ATP13A3: variants seen among roughly 807,000 people sequenced by gnomAD.
ATP13A3 encodes ATPase 13A3, also known as polyamine-transporting ATPase 13A3.
In ATP13A3, 59 loss-of-function variants were observed where a neutral mutation model predicts 158.1. The observed-to-expected ratio is 0.37, with a 90% CI of 0.30 to 0.46. ATP13A3 has a LOEUF of 0.46. ATP13A3 is among the 20% of genes least tolerant of loss of function. The probability of loss-of-function intolerance (pLI) is 1.00; values close to 1 mark genes in which losing one functional copy is unlikely to be tolerated. For synonymous variants in ATP13A3, 491 were observed against 504.3 expected (o/e 0.97, Z 0.35); for missense variants, 1,166 against 1,525.2 (o/e 0.76, Z 3.92).
At position 194,433,686 on chromosome 3, in the gene ATP13A3, A is replaced by T. The variant is rs529036836; in HGVS notation, c.2245+86T>A. 33 of 1,523,910 alleles carry T rather than the reference A, an allele frequency of 2.2e-5. No individual in the cohort carries two copies. The South Asian group carries it at 3.8e-4, about 18-fold the overall frequency. 94.4% of individuals were successfully genotyped at this position (1,523,910 alleles called of 1,614,324 possible). On this transcript the variant is annotated intron_variant, in intron 21 of 33. Coordinates refer to ENST00000645319, the MANE Select transcript of ATP13A3 (RefSeq NM_001367549.1). ...AAACCACTATAGACTATATAATATGATTTTATAACTGATTATCCCTCAATA... is the reference window on the plus strand; with the variant it reads ...AAACCACTATAGACTATATAATATGTTTTTATAACTGATTATCCCTCAATA...
chr3:194,444,029 C>T (rs1272218489), intron 15 of ATP13A3, among the ~76,000 whole-genome samples: 1 of 152,132 alleles, frequency 6.6e-6, no homozygotes, highest in African/African-American at 2.4e-5. Context: ...ATACTCATAT[C>T]CATCCATCTG....
chr3:194,429,693 A>C lies in ATP13A3; in HGVS notation c.2859T>G (p.Val953=). Residue 953 remains valine, a synonymous_variant, in exon 27 of 34, where the codon GTT becomes GTG. Transcript: ENST00000645319. Reference sequence around the variant, plus strand: ...TAATACTCACAGAATACAGCAGAGTAACACTGAAGTACTGGATAATGCTGT... The same window carrying C: ...TAATACTCACAGAATACAGCAGAGTCACACTGAAGTACTGGATAATGCTGT... ...ALYSIIQYFS[V]TLLYSILSNL... is the part of the protein sequence containing the mutation. The C allele has an allele frequency of 6.2e-7, 1 of 1,610,466 alleles. No individual in the cohort carries two copies. The highest frequency in any genetic ancestry group is 8.5e-7 in the Non-Finnish European group (1 of 1,176,864).
At chr3:194,435,856 G>A (rs1256180433) in intron 20 of ATP13A3, among the ~76,000 whole-genome samples, 1 of 152,106 alleles carries the variant, frequency 6.6e-6, no homozygotes, top group Non-Finnish European at 1.5e-5. Flanking sequence ...ATGGTGAACT[G>A]ACATCGTGCC....
chr3:194,429,633 C>T lies in ATP13A3; in HGVS notation c.2874+45G>A, dbSNP rs141522272. 369 of 1,406,286 alleles carry T rather than the reference C, an allele frequency of 2.6e-4. 2 individuals carry two copies. Among genetic ancestry groups the T allele is most frequent in the African/African-American group, 9.2e-4 (64 of 69,514 alleles). 87.1% of individuals were successfully genotyped at this position (1,406,286 alleles called of 1,614,324 possible). ...CACATACGCTCAACATCTTAATTTA[C>T]GGTGCACATTAAGTGTTATCTCTGC... On this transcript the variant is annotated intron_variant, in intron 27 of 33. Coordinates refer to ENST00000645319, the MANE Select transcript of ATP13A3 (RefSeq NM_001367549.1).
Position 194,437,411 on chromosome 3 carries a change from T to C in ATP13A3, c.1899A>G (p.Gln633=). 1 of 1,614,192 alleles carries C rather than the reference T, an allele frequency of 6.2e-7. No homozygotes were observed. Among genetic ancestry groups the C allele is most frequent in the Non-Finnish European group, 8.5e-7 (1 of 1,180,042 alleles). Residue 633 remains glutamine (Q), a synonymous_variant, in exon 19 of 34, where the codon CAA becomes CAG. Coordinates refer to ENST00000645319, the MANE Select transcript of ATP13A3 (RefSeq NM_001367549.1). The part of the protein sequence containing the change: ...VRQFPFSSAL[Q]RMSVVARVLG... The stretch of plus-strand genomic sequence containing the variant: ...GCACCCTGGCAACCACACTCATACG[T>C]TGCAAAGCAGAAGAAAATGGGAACT...
At chr3:194,467,250 AAGG>A (rs1237083464) in intron 2 of ATP13A3, among the ~76,000 whole-genome samples, 25 of 152,220 alleles carry the variant, frequency 1.6e-4, no homozygotes, top group African/African-American at 5.5e-4. Flanking sequence ...CCATCTATAG[AAGG>A]AGTTCATTCA....
At position 194,405,696 on chromosome 3, in the gene ATP13A3, T is replaced by C. The variant is rs1023899503; in HGVS notation, c.*223A>G. 2.1e-6 allele frequency: 1 copy of C among 479,756 alleles called. No individual in the cohort carries two copies. Among genetic ancestry groups the C allele is most frequent in the Non-Finnish European group, 3.7e-6 (1 of 271,850 alleles). The allele number at this position is 479,756 out of a possible 1,614,324, so 29.7% of individuals were successfully genotyped here. A position where few individuals can be genotyped will look rare whatever the true frequency, so the allele number is the denominator to read the frequency against. On this transcript the variant is annotated 3_prime_UTR_variant, in exon 34 of 34. Coordinates refer to ENST00000645319, the MANE Select transcript of ATP13A3 (RefSeq NM_001367549.1). ...GAAATGTATGTAATATTTGGGTTGC[T>C]GAATGAAGATATAGGACTTTATGGA...
At position 194,447,086 on chromosome 3, in the gene ATP13A3, A is replaced by G; in HGVS notation, c.1338T>C (p.Ser446=). Residue 446 remains serine (S), a synonymous_variant, in exon 14 of 34, where the codon TCT becomes TCC. Transcript: ENST00000645319. ...GCACAGTAATTGTGATAATATCAAGAGACTCGATAATTATGACCCCAACTT... is the reference window on the plus strand; with the variant it reads ...GCACAGTAATTGTGATAATATCAAGGGACTCGATAATTATGACCCCAACTT... The part of the protein sequence containing the change: ...EVQVGVIIIE[S]LDIITITVPP... 6.2e-7 allele frequency: 1 copy of G among 1,609,990 alleles called. No individual in the cohort carries two copies. Among genetic ancestry groups the G allele is most frequent in the South Asian group, 1.1e-5 (1 of 89,696 alleles).
intron 2 of ATP13A3, among the ~76,000 whole-genome samples, chr3:194,463,691 A>G (rs1719813849): frequency 6.6e-6 from 1 of 152,214 alleles, no homozygotes; most frequent in South Asian, 2.1e-4. Context: ...GCACTCAAAA[A>G]TGCTTACTGA....
At chr3:194,471,804 G>C (rs2109022665) in intron 2 of ATP13A3, 1 of 152,370 alleles carries the variant, frequency 6.6e-6, no homozygotes, top group South Asian at 2.1e-4. Flanking sequence ...TTTAGATTCA[G>C]TGGCTGGCTT....
chr3:194,427,534 C>T (rs1716876255), intron 28 of ATP13A3, among the ~76,000 whole-genome samples: 1 of 151,798 alleles, frequency 6.6e-6, no homozygotes, highest in Non-Finnish European at 1.5e-5. Flanking sequence ...CACGGTGGCT[C>T]ACACTTGGAA....
At chr3:194,450,431 AT>A in intron 10 of ATP13A3, 155 bp from the exon 11 acceptor site, 1 of 711,120 alleles carries the variant, frequency 1.4e-6, no homozygotes, top group Non-Finnish European at 2.3e-6. Flanking sequence ...AACAAATAAG[AT>A]TATTAGGCTA....
chr3:194,406,267 A>T, intron 33 of ATP13A3, 151 bp from the exon 34 acceptor site: 1 of 882,944 alleles, frequency 1.1e-6, no homozygotes, highest in Non-Finnish European at 1.7e-6. Flanking sequence ...AATCCATGTT[A>T]AAAAAAGGCA....
In ATP13A3 at chr3:194,433,908, G is replaced by T; in HGVS notation, c.2121-12C>A. The T allele has an allele frequency of 6.2e-7, 1 of 1,612,176 alleles. No individual in the cohort carries two copies. On this transcript the variant is annotated splice_polypyrimidine_tract_variant and intron_variant, in intron 20 of 33. Coordinates refer to ENST00000645319, the MANE Select transcript of ATP13A3 (RefSeq NM_001367549.1). ...TCTCAATTGCATCTCTGCAGAAAAAGAAGTTTTAACACATAATGGTTTAGT... is the reference window on the plus strand; with the variant it reads ...TCTCAATTGCATCTCTGCAGAAAAATAAGTTTTAACACATAATGGTTTAGT...
chr3:194,457,742 T>C (rs1719331747), intron 6 of ATP13A3, among the ~76,000 whole-genome samples: 1 of 151,986 alleles, frequency 6.6e-6, no homozygotes, highest in South Asian at 2.1e-4. Flanking sequence ...CTAAGTGGGC[T>C]TCAACTAACA....
rs1005882450 is a variant in ATP13A3 at position 194,436,737 on chromosome 3, A to G, written c.2120+358T>C. ...GCGGCACCCGCCTATAATCCCAGCT[A>G]CTTGGGAGGATGAGGCACAAGAATT... On this transcript the variant is annotated intron_variant, in intron 20 of 33. Transcript: ENST00000645319. Among the ~76,000 whole-genome samples, 7 of 152,236 alleles carry G rather than the reference A, an allele frequency of 4.6e-5. 1 individual carries two copies. Among genetic ancestry groups the G allele is most frequent in the Non-Finnish European group, 8.8e-5 (6 of 68,036 alleles).
At chr3:194,410,962 G>GTA (rs1715378658) in intron 33 of ATP13A3, among the ~76,000 whole-genome samples, 1 of 146,062 alleles carries the variant, frequency 6.8e-6, no homozygotes, top group South Asian at 2.1e-4. Context: ...GTGTGTGTGT[G>GTA]TGTGTGTGTA....
rs1330002044 is a variant in ATP13A3 at position 194,448,695 on chromosome 3, G to A, written c.971-59C>T. On this transcript the variant is annotated intron_variant, in intron 11 of 33. Transcript: ENST00000645319. The surrounding 1 kb of genome is among the most constrained non-coding windows in gnomAD (Gnocchi z 4.0). ...TACAAATTATTAAACGAAAGCACAG[G>A]AATCAGTATCGAACACCAAAAAATA... 11 of 1,531,628 alleles carry A rather than the reference G, an allele frequency of 7.2e-6. No homozygotes were observed. Among genetic ancestry groups the A allele is most frequent in the African/African-American group, 1.4e-5 (1 of 71,906 alleles). 94.9% of individuals were successfully genotyped at this position (1,531,628 alleles called of 1,614,324 possible).
intron 33 of ATP13A3, among the ~76,000 whole-genome samples, chr3:194,410,331 A>AC (rs1553794196): frequency 0.029 from 3,849 of 132,652 alleles, 223 homozygotes; most frequent in Non-Finnish European, 0.043. Flanking sequence ...AAAAAAAAAA[A>AC]CTGCTGGGCC....
Sources: allele counts gnomAD v4.1 joint callset (sites outside exome capture counted in the v4.1 genomes callset), GRCh38; gene constraint gnomAD v4.1.1; non-coding constraint Gnocchi (gnomAD v3.1); transcripts MANE v1.5; gene names NCBI Gene and HGNC (gene_info 2026-07-23, HGNC 2026-07-21).